Variants in SPOCK3 observed in about 807,000 individuals in gnomAD.
SPOCK3 encodes the protein testican-3.
In SPOCK3, 30 loss-of-function variants were observed where a neutral mutation model predicts 56.6. The observed-to-expected ratio is 0.53, with a 90% confidence interval of 0.40 to 0.72. The LOEUF is 0.72. SPOCK3 is among the 30% of genes least tolerant of loss of function. SPOCK3 has a pLI of 0.00. For missense variants in SPOCK3, 527 were observed against 530.0 expected, an observed-to-expected ratio of 0.99 and a Z score of 0.06; for synonymous variants, 196 against 183.3, an observed-to-expected ratio of 1.07 and a Z score of -0.56.
intron 6 of SPOCK3, among the ~76,000 whole-genome samples, chr4:166,855,194 C>A (rs557167797): frequency 6.6e-6 from 1 of 152,208 alleles, no homozygotes; most frequent in African/African-American, 2.4e-5. Context: ...TTCCCCCTGA[C>A]CCCCCAACAA....
chr4:166,993,439 T>C (rs1188931547), intron 4 of SPOCK3, among the ~76,000 whole-genome samples: 1 of 152,128 alleles, frequency 6.6e-6, no homozygotes, highest in Non-Finnish European at 1.5e-5. Flanking sequence ...CAGCAAATTT[T>C]TTGAAATTTT....
intron 4 of SPOCK3, among the ~76,000 whole-genome samples, chr4:166,967,550 T>C (rs1425217620): frequency 6.6e-6 from 1 of 152,204 alleles, no homozygotes; most frequent in Non-Finnish European, 1.5e-5. Context: ...TCTGCCACCA[T>C]GTGAAGACAT....
At chr4:167,234,346 G>A in intron 1 of SPOCK3, 104 bp downstream of exon 1, 1 of 645,536 alleles carries the variant, frequency 1.5e-6, no homozygotes, top group Non-Finnish European at 2.7e-6. Context: ...CAAAAGCCGG[G>A]CACTCACACA....
intron 3 of SPOCK3, among the ~76,000 whole-genome samples, chr4:167,055,225 G>A (rs1170184211): frequency 2.0e-5 from 3 of 151,972 alleles, no homozygotes; most frequent in Admixed American, 6.6e-5. Flanking sequence ...TGAAAAATAT[G>A]GTAAATTAAA....
At chr4:166,971,819 A>G (rs1281834160) in intron 4 of SPOCK3, among the ~76,000 whole-genome samples, 2 of 152,122 alleles carry the variant, frequency 1.3e-5, no homozygotes, top group African/African-American at 4.8e-5. Context: ...ATTTTCACCA[A>G]TGGCAAATGG....
intron 6 of SPOCK3, among the ~76,000 whole-genome samples, chr4:166,883,675 G>A (rs1002784406): frequency 3.3e-5 from 5 of 152,146 alleles, no homozygotes; most frequent in African/African-American, 4.8e-5. Context: ...TTAGAAATGC[G>A]TAGCTCACAT....
chr4:167,012,469 T>G (rs1281476562), intron 3 of SPOCK3, among the ~76,000 whole-genome samples: 4 of 151,990 alleles, frequency 2.6e-5, no homozygotes, highest in Admixed American at 2.0e-4. Flanking sequence ...AGTATTTAAG[T>G]TACATTTAGG....
chr4:166,968,957 C>T (rs1745060210), intron 4 of SPOCK3, among the ~76,000 whole-genome samples: 1 of 152,140 alleles, frequency 6.6e-6, no homozygotes, highest in African/African-American at 2.4e-5. Flanking sequence ...GTCATGACAG[C>T]TCAACCCTTG....
chr4:166,802,807 ATG>A (rs141893282), intron 6 of SPOCK3, among the ~76,000 whole-genome samples: 2 of 151,898 alleles, frequency 1.3e-5, no homozygotes, highest in African/African-American at 2.4e-5. Context: ...ACACATACAT[ATG>A]TGTGTGTGTG....
chr4:167,110,723 G>GA (rs1351223753), intron 2 of SPOCK3, among the ~76,000 whole-genome samples: 2 of 151,854 alleles, frequency 1.3e-5, no homozygotes, highest in South Asian at 2.1e-4. Flanking sequence ...ACTTAAGGGG[G>GA]AAAAAATTCC....
In SPOCK3 at chr4:166,857,666, A is replaced by T. The variant is rs549937999; in HGVS notation, c.589+31464T>A. Among the ~76,000 whole-genome samples, 5 of 152,340 alleles carry T rather than the reference A, an allele frequency of 3.3e-5. No individual in the cohort carries two copies. The East Asian group carries it at 9.6e-4, about 29-fold the overall frequency. ...TAAGTGGTTTGAATATACTAAGAAA[A>T]AAACTTTTCTGAAGATATTTCACAG... On this transcript the variant is annotated intron_variant, in intron 6 of 10. Coordinates refer to ENST00000357545, the MANE Select transcript of SPOCK3 (RefSeq NM_001040159.2).
chr4:166,950,527 G>A (rs1311976661), intron 4 of SPOCK3, among the ~76,000 whole-genome samples: 2 of 151,950 alleles, frequency 1.3e-5, no homozygotes, highest in Non-Finnish European at 2.9e-5. Flanking sequence ...ACAGATCAAT[G>A]AGACAGAAAG....
At chr4:166,738,238 T>TTG (rs112051649) in intron 9 of SPOCK3, among the ~76,000 whole-genome samples, 3,113 of 150,230 alleles carry the variant, frequency 0.021, 116 homozygotes, top group African/African-American at 0.071. Flanking sequence ...GTGTGTGTGT[T>TTG]TGTGTGTGTG....
At chr4:167,033,898 CAT>C (rs1186045523) in intron 3 of SPOCK3, among the ~76,000 whole-genome samples, 22 of 152,082 alleles carry the variant, frequency 1.4e-4, no homozygotes, top group African/African-American at 1.7e-4. Flanking sequence ...CTAATGATCA[CAT>C]GTCAAATTCA....
At chr4:166,943,795 G>A (rs903355407) in intron 4 of SPOCK3, among the ~76,000 whole-genome samples, 1 of 152,166 alleles carries the variant, frequency 6.6e-6, no homozygotes, top group East Asian at 1.9e-4. Flanking sequence ...TCTTCCACAT[G>A]TATACATACT....
intron 4 of SPOCK3, among the ~76,000 whole-genome samples, chr4:166,995,833 T>C (rs1274911627): frequency 6.6e-6 from 1 of 152,114 alleles, no homozygotes; most frequent in Non-Finnish European, 1.5e-5. Context: ...AAGTTAAATG[T>C]CTCTCAAGTA....
chr4:166,739,990 C>G (rs7694002), intron 9 of SPOCK3, among the ~76,000 whole-genome samples: 49,501 of 152,094 alleles, frequency 0.33, 8,262 homozygotes, highest in Admixed American at 0.42. Context: ...AAAAAATTCA[C>G]TGTTGTCACA....
chr4:166,876,555 A>T (rs1733107485), intron 6 of SPOCK3, among the ~76,000 whole-genome samples: 1 of 152,152 alleles, frequency 6.6e-6, no homozygotes, highest in Admixed American at 6.5e-5. Context: ...TGTTGAATAG[A>T]TGATCCATCA....
intron 3 of SPOCK3, among the ~76,000 whole-genome samples, chr4:167,062,143 T>C (rs1240854522): frequency 6.6e-6 from 1 of 151,846 alleles, no homozygotes; most frequent in Non-Finnish European, 1.5e-5. Flanking sequence ...CCATTTGTTT[T>C]AAAAGTTTGT....
Sources: gnomAD v4.1 joint callset for allele counts (sites outside exome capture counted in the v4.1 genomes callset) on GRCh38, gnomAD v4.1.1 for gene constraint, MANE v1.5 for transcripts, NCBI Gene and HGNC (gene_info 2026-07-23, HGNC 2026-07-21) for gene names.